The following IGF1 variants were observed in gnomAD, a reference collection of about 807,000 sequenced individuals.
The protein encoded by IGF1 is insulin-like growth factor 1.
Under a neutral mutation model 13.8 loss-of-function variants are expected in IGF1, and 4 were observed. The ratio of observed to expected loss-of-function variants is 0.29; its 90% CI spans 0.14 to 0.66. The LOEUF is 0.66. IGF1 is among the 30% of genes least tolerant of loss of function. The pLI, the probability that IGF1 is intolerant of heterozygous loss-of-function variation, is 0.78. For synonymous variants in IGF1, 76 were observed against 72.6 expected (o/e 1.05, Z -0.23); for missense variants, 124 against 188.5 (o/e 0.66, Z 2.00).
intron 2 of IGF1, among the ~76,000 whole-genome samples, chr12:102,474,982 T>C (rs909858328): frequency 2.0e-5 from 3 of 152,172 alleles, no homozygotes; most frequent in African/African-American, 7.2e-5. Flanking sequence ...ATATCATTGA[T>C]GGGTCCCGGA....
intron 1 of IGF1, among the ~76,000 whole-genome samples, chr12:102,477,274 GA>G (rs539813999): frequency 0.025 from 2,381 of 96,128 alleles, 24 homozygotes; most frequent in Admixed American, 0.032. Flanking sequence ...AGCAACTGAG[GA>G]AAAAAAAAAA....
chr12:102,417,596 GTCTT>G lies in IGF1; in HGVS notation c.402+1909_402+1912del, dbSNP rs1323521087. The stretch of plus-strand genomic sequence containing the variant: ...ATTTTTTTTTTTCATTTTTGCCACT[GTCTT>G]TCTTTGCGCTTTCTAGGGCATTACA... On this transcript the variant is annotated intron_variant, in intron 3 of 3. Transcript: ENST00000337514. The G allele has an allele frequency of 8.1e-6, 10 of 1,236,296 alleles. No individual in the cohort carries two copies. The East Asian group carries it at 3.3e-4, about 40-fold the overall frequency. The allele number at this position is 1,236,296 out of a possible 1,614,324, so 76.6% of individuals were successfully genotyped here. A position where few individuals can be genotyped will look rare whatever the true frequency, so the allele number is the denominator to read the frequency against.
chr12:102,456,130 C>T (rs570586922), intron 2 of IGF1, among the ~76,000 whole-genome samples: 35 of 151,946 alleles, frequency 2.3e-4, no homozygotes, highest in Non-Finnish European at 4.3e-4. Flanking sequence ...GGCGTAGTGG[C>T]CATCTTAGGA....
At chr12:102,440,499 T>C (rs1877622331) in intron 2 of IGF1, among the ~76,000 whole-genome samples, 1 of 152,204 alleles carries the variant, frequency 6.6e-6, no homozygotes, top group Non-Finnish European at 1.5e-5. Flanking sequence ...TCTCTCCAGG[T>C]AGTGCGGCTG....
Position 102,479,894 on chromosome 12 carries a change from C to T in IGF1, c.63+425G>A, listed in dbSNP as rs568433096. ...AAATAAAGTCCTGATGAGTTACACA[C>T]ACAGAGACACATACACACAGAGACA... On this transcript the variant is annotated intron_variant, in intron 1 of 3. Transcript: ENST00000337514. 5.9e-5 allele frequency among the ~76,000 whole-genome samples: 9 copies of T among 151,664 alleles called. No individual in the cohort carries two copies. In the South Asian group the frequency reaches 1.9e-3, roughly 32 times the overall value.
intron 2 of IGF1, among the ~76,000 whole-genome samples, chr12:102,464,238 T>C (rs2137213573): frequency 6.6e-6 from 1 of 152,096 alleles, no homozygotes. Flanking sequence ...TAGCTTAATC[T>C]TGAGCTAGGC....
intron 2 of IGF1, among the ~76,000 whole-genome samples, chr12:102,444,735 G>T (rs1878165979): frequency 6.6e-6 from 1 of 152,042 alleles, no homozygotes; most frequent in Admixed American, 6.5e-5. Context: ...TGCCCTAAGT[G>T]CCGCGTAGTA....
intron 2 of IGF1, among the ~76,000 whole-genome samples, chr12:102,457,751 C>T (rs903959475): frequency 6.6e-5 from 10 of 152,170 alleles, no homozygotes; most frequent in African/African-American, 2.4e-4. Context: ...TATTTTTATA[C>T]ATTATTACTT....
chr12:102,401,357 T>G lies in IGF1; in HGVS notation c.*1150A>C, dbSNP rs970197522. On this transcript the variant is annotated 3_prime_UTR_variant, in exon 4 of 4. Coordinates refer to ENST00000337514, the MANE Select transcript of IGF1 (RefSeq NM_000618.5). ...ACCAGGACTGCTAAAATTCCTAGCC[T>G]TCTGCTTTTTCCATTCCACAGTTTC... The G allele has an allele frequency of 6.6e-6, 1 of 152,500 alleles. No individual in the cohort carries two copies. Among genetic ancestry groups the G allele is most frequent in the African/African-American group, 2.4e-5 (1 of 41,448 alleles). The allele number at this position is 152,500 out of a possible 1,614,324, so 9.4% of individuals were successfully genotyped here.
intron 2 of IGF1, among the ~76,000 whole-genome samples, chr12:102,457,299 A>T (rs149924316): frequency 6.6e-6 from 1 of 152,382 alleles, no homozygotes; most frequent in East Asian, 1.9e-4. Flanking sequence ...AAGAAAAGCA[A>T]CCAACAGTGC....
intron 2 of IGF1, among the ~76,000 whole-genome samples, chr12:102,445,756 C>T (rs539951148): frequency 6.6e-6 from 1 of 152,318 alleles, no homozygotes; most frequent in South Asian, 2.1e-4. Context: ...CTGGCCAGAA[C>T]TTCCAATGCT....
Position 102,426,065 on chromosome 12 carries a change from G to A in IGF1, c.221-6375C>T, listed in dbSNP as rs1245560763. 2.0e-5 allele frequency among the ~76,000 whole-genome samples: 3 copies of A among 152,150 alleles called. No homozygotes were observed. The East Asian group carries it at 5.8e-4, about 29-fold the overall frequency. Reference sequence around the variant, plus strand: ...TATATAAGTTAGCTACCATTTTCTAGTTATATTGTTTGTATTATTTAGAAC... The same window carrying A: ...TATATAAGTTAGCTACCATTTTCTAATTATATTGTTTGTATTATTTAGAAC... On this transcript the variant is annotated intron_variant, in intron 2 of 3. Coordinates refer to ENST00000337514, the MANE Select transcript of IGF1 (RefSeq NM_000618.5).
At chr12:102,421,824 C>G (rs1875748214) in intron 2 of IGF1, among the ~76,000 whole-genome samples, 1 of 152,196 alleles carries the variant, frequency 6.6e-6, no homozygotes, top group Non-Finnish European at 1.5e-5. Flanking sequence ...TCAAGCTCCT[C>G]TAACTTAATT....
chr12:102,474,031 C>T (rs186164889), intron 2 of IGF1, among the ~76,000 whole-genome samples: 98 of 151,992 alleles, frequency 6.4e-4, no homozygotes, highest in Non-Finnish European at 1.0e-3. Context: ...AAGGAAATTG[C>T]ACAAATGGAT....
intron 2 of IGF1, among the ~76,000 whole-genome samples, chr12:102,437,210 G>T (rs544107511): frequency 6.6e-6 from 1 of 152,328 alleles, no homozygotes; most frequent in South Asian, 2.1e-4. Context: ...GTGTGGAGGG[G>T]TCTCCCTGGC....
chr12:102,417,512 T>G (rs1592750029), intron 3 of IGF1: 1 of 1,016,026 alleles, frequency 9.8e-7, no homozygotes, highest in East Asian at 6.1e-5. Flanking sequence ...ATTCTTTTAT[T>G]TAATTGTGTT....
chr12:102,403,623 ATTTTTTT>A (rs142169670), intron 3 of IGF1, among the ~76,000 whole-genome samples: 1 of 80,584 alleles, frequency 1.2e-5, no homozygotes, highest in Non-Finnish European at 2.3e-5. Context: ...TGCCTTGACA[ATTTTTTT>A]TTTTTTTTTT....
intron 3 of IGF1, among the ~76,000 whole-genome samples, chr12:102,410,999 A>G (rs1874588154): frequency 6.6e-6 from 1 of 152,266 alleles, no homozygotes; most frequent in African/African-American, 2.4e-5. Context: ...CATTTTATGC[A>G]TGCATACAGT....
Position 102,418,914 on chromosome 12 carries a change from G to A in IGF1, c.402+595C>T, listed in dbSNP as rs5742686. On this transcript the variant is annotated intron_variant, in intron 3 of 3. Transcript: ENST00000337514. ...GAAATTTCTATTTTTAATGTTTCATGTTTAATTATGCTTGCTACTGAATAT... is the reference window on the plus strand; with the variant it reads ...GAAATTTCTATTTTTAATGTTTCATATTTAATTATGCTTGCTACTGAATAT... Among the ~76,000 whole-genome samples, 1,455 of 152,284 alleles carry A rather than the reference G, an allele frequency of 9.6e-3. 29 individuals carry two copies. The highest frequency in any genetic ancestry group is 0.034 in the African/African-American group (1,405 of 41,546).
Sources: allele counts gnomAD v4.1 joint callset (sites outside exome capture counted in the v4.1 genomes callset), GRCh38; gene constraint gnomAD v4.1.1; transcripts MANE v1.5; gene names NCBI Gene and HGNC (gene_info 2026-07-23, HGNC 2026-07-21).